Variants in DHRSX observed in about 807,000 individuals in gnomAD.
DHRSX encodes dehydrogenase/reductase X-linked.
A neutral mutation model predicts 34.0 loss-of-function variants in DHRSX; 31 were observed. The ratio of observed to expected loss-of-function variants is 0.91; its 90% confidence interval spans 0.69 to 1.23. The LOEUF (loss-of-function observed/expected upper bound fraction) is 1.23. Among genes scored for constraint, DHRSX ranks in the 50% most tolerant of loss-of-function variants. The pLI, the probability that DHRSX is intolerant of heterozygous loss-of-function variation, is 0.00. For missense variants in DHRSX, 414 were observed against 428.1 expected (o/e 0.97, Z 0.29); for synonymous variants, 201 against 183.8 (o/e 1.09, Z -0.76).
chrX:2,276,300 T>C (rs2041645023), intron 4 of DHRSX, among the ~76,000 whole-genome samples: 1 of 152,216 alleles, frequency 6.6e-6, no homozygotes, highest in Admixed American at 6.5e-5. Context: ...AAGAAAACCC[T>C]GTGGCCACGT....
At chrX:2,422,412 G>A (rs1285844454) in intron 2 of DHRSX, among the ~76,000 whole-genome samples, 1 of 151,720 alleles carries the variant, frequency 6.6e-6, no homozygotes, top group Non-Finnish European at 1.5e-5. Context: ...ACAGGCATAC[G>A]CCACCATGCC....
intron 5 of DHRSX, among the ~76,000 whole-genome samples, chrX:2,252,362 A>G (rs893636794): frequency 2.6e-5 from 4 of 152,180 alleles, no homozygotes; most frequent in African/African-American, 4.8e-5. Context: ...TACTGTCAAG[A>G]TATCTTTTTA....
intron 4 of DHRSX, 98 bp downstream of exon 4, chrX:2,291,404 T>C: frequency 2.2e-6 from 2 of 891,158 alleles, no homozygotes; most frequent in Non-Finnish European, 3.7e-6. Flanking sequence ...TTCCCATGGA[T>C]ATCCTGTTTT....
In DHRSX at chrX:2,220,810, T is replaced by C. The variant is rs1164809998; in HGVS notation, c.*231A>G. The stretch of plus-strand genomic sequence containing the variant: ...ATGGCACCTGTGACAACTGGGCACT[T>C]TGGAATCACAAAGTTTATGGTTGAA... On this transcript the variant is annotated 3_prime_UTR_variant, in exon 7 of 7. Coordinates refer to ENST00000334651, the MANE Select transcript of DHRSX (RefSeq NM_145177.3). 1.0e-5 allele frequency: 5 copies of C among 485,488 alleles called. No homozygotes were observed. The East Asian group carries it at 1.2e-4, about 12-fold the overall frequency. 30.1% of individuals were successfully genotyped at this position (485,488 alleles called of 1,614,324 possible).
At chrX:2,450,592 G>A (rs1300344225) in intron 1 of DHRSX, among the ~76,000 whole-genome samples, 1 of 152,154 alleles carries the variant, frequency 6.6e-6, no homozygotes. Flanking sequence ...GGCTTTCCCA[G>A]GTTCTGCGTA....
chrX:2,256,808 A>G (rs1378306606), intron 5 of DHRSX, among the ~76,000 whole-genome samples: 1 of 151,908 alleles, frequency 6.6e-6, no homozygotes, highest in Non-Finnish European at 1.5e-5. Context: ...AAAAAGCAGT[A>G]TATTTTAAAT....
At chrX:2,320,139 T>C (rs1196564446) in intron 3 of DHRSX, among the ~76,000 whole-genome samples, 4 of 151,102 alleles carry the variant, frequency 2.6e-5, no homozygotes, top group Non-Finnish European at 5.9e-5. Context: ...GGGTCAACTG[T>C]ATTTTGTGCC....
chrX:2,489,207 G>A, intron 1 of DHRSX: 1 of 1,613,784 alleles, frequency 6.2e-7, no homozygotes, highest in Non-Finnish European at 8.5e-7. Flanking sequence ...ACCTTGTCCA[G>A]CAGGCCCTTG....
At chrX:2,333,177 G>C (rs2042502812) in intron 3 of DHRSX, among the ~76,000 whole-genome samples, 1 of 152,164 alleles carries the variant, frequency 6.6e-6, no homozygotes, top group African/African-American at 2.4e-5. Context: ...TTTGAAAAGT[G>C]TGATGCATTT....
chrX:2,368,886 G>A (rs1418414578), intron 3 of DHRSX, among the ~76,000 whole-genome samples: 1 of 152,070 alleles, frequency 6.6e-6, no homozygotes, highest in Non-Finnish European at 1.5e-5. Context: ...AGCTTGCAGT[G>A]AGCCGAGATC....
intron 4 of DHRSX, among the ~76,000 whole-genome samples, chrX:2,276,644 G>C (rs1157555824): frequency 6.6e-6 from 1 of 151,330 alleles, no homozygotes; most frequent in Non-Finnish European, 1.5e-5. Flanking sequence ...CAGGTGAGGT[G>C]TATCCTGAAC....
intron 4 of DHRSX, among the ~76,000 whole-genome samples, chrX:2,285,121 A>G (rs2041789211): frequency 6.6e-6 from 1 of 152,152 alleles, no homozygotes; most frequent in Admixed American, 6.6e-5. Context: ...CTGAAGACAG[A>G]AGGTGGAGGT....
At chrX:2,404,865 C>G (rs1427940319) in intron 3 of DHRSX, among the ~76,000 whole-genome samples, 1 of 152,220 alleles carries the variant, frequency 6.6e-6, no homozygotes, top group Non-Finnish European at 1.5e-5. Context: ...CTCGGTGTCT[C>G]TAATTCCTTA....
At chrX:2,416,399 G>A (rs1254571939) in intron 2 of DHRSX, among the ~76,000 whole-genome samples, 2 of 152,094 alleles carry the variant, frequency 1.3e-5, no homozygotes, top group East Asian at 3.9e-4. Context: ...TCTTATATTG[G>A]AAAAAAGCAG....
At chrX:2,399,326 G>C (rs767169123) in intron 3 of DHRSX, among the ~76,000 whole-genome samples, 2 of 151,546 alleles carry the variant, frequency 1.3e-5, no homozygotes, top group African/African-American at 4.9e-5. Flanking sequence ...AGCCTGACTC[G>C]GGACACTTCT....
chrX:2,225,718 G>C (rs1268878287), intron 6 of DHRSX, among the ~76,000 whole-genome samples: 3 of 148,750 alleles, frequency 2.0e-5, no homozygotes, highest in South Asian at 2.1e-4. Flanking sequence ...GACACACACA[G>C]AGGGACAACC....
At chrX:2,444,602 G>A (rs1327295577) in intron 1 of DHRSX, among the ~76,000 whole-genome samples, 1 of 152,156 alleles carries the variant, frequency 6.6e-6, no homozygotes, top group Non-Finnish European at 1.5e-5. Context: ...AGGCCCAGGT[G>A]GGAAGATCCA....
At chrX:2,466,302 G>A (rs1211565115) in intron 1 of DHRSX, among the ~76,000 whole-genome samples, 4 of 152,194 alleles carry the variant, frequency 2.6e-5, no homozygotes, top group Admixed American at 2.6e-4. Flanking sequence ...GCCCAGCGTG[G>A]TGGTATGCGC....
intron 3 of DHRSX, among the ~76,000 whole-genome samples, chrX:2,350,682 C>T (rs2042778724): frequency 6.6e-6 from 1 of 152,028 alleles, no homozygotes; most frequent in Non-Finnish European, 1.5e-5. Context: ...AGCAGTTGTG[C>T]CTAGAGTTAA....
Sources: allele counts gnomAD v4.1 joint callset (sites outside exome capture counted in the v4.1 genomes callset), GRCh38; gene constraint gnomAD v4.1.1; transcripts MANE v1.5; gene names NCBI Gene and HGNC (gene_info 2026-07-23, HGNC 2026-07-21).